The following AGAP1 variants were observed in gnomAD, a reference collection of about 807,000 sequenced individuals.
AGAP1 encodes the protein ArfGAP with GTPase domain, ankyrin repeat and PH domain 1.
AGAP1 carries 29 observed loss-of-function variants against 105.3 expected under a neutral mutation model. That is an observed-to-expected ratio of 0.28 (90% confidence interval 0.21 to 0.38). The LOEUF (loss-of-function observed/expected upper bound fraction) is 0.38, where lower values mean the gene tolerates loss of function less well. AGAP1 is among the 10% of genes least tolerant of loss of function. AGAP1 has a pLI of 1.00. For synonymous variants in AGAP1, 509 were observed against 485.9 expected (o/e 1.05, Z -0.63); for missense variants, 998 against 1,165.1 (o/e 0.86, Z 2.09).
intron 1 of AGAP1, among the ~76,000 whole-genome samples, chr2:235,632,277 C>T (rs150687334): frequency 6.6e-6 from 1 of 152,312 alleles, no homozygotes; most frequent in Non-Finnish European, 1.5e-5. Flanking sequence ...ATGAACTGCC[C>T]AGCCAGCTGT....
At chr2:235,628,497 G>A (rs1490807217) in intron 1 of AGAP1, among the ~76,000 whole-genome samples, 1 of 152,160 alleles carries the variant, frequency 6.6e-6, no homozygotes, top group Non-Finnish European at 1.5e-5. Flanking sequence ...GTGAGCTCCA[G>A]GCAGAAGAAC....
rs1027420175 is a variant in AGAP1 at position 235,799,112 on chromosome 2, A to G, written c.802-255A>G. Among the ~76,000 whole-genome samples, 3 of 152,186 alleles carry G rather than the reference A, an allele frequency of 2.0e-5. No homozygotes were observed. Among genetic ancestry groups the G allele is most frequent in the African/African-American group, 7.2e-5 (3 of 41,448 alleles). Reference sequence around the variant, plus strand: ...TGAACTCTCAGAAATCTTTTAAGTTAAATGAAAGAGACTTCTTTGTCTTCA... The same window carrying G: ...TGAACTCTCAGAAATCTTTTAAGTTGAATGAAAGAGACTTCTTTGTCTTCA... On this transcript the variant is annotated intron_variant, in intron 7 of 17. Coordinates refer to ENST00000304032, the MANE Select transcript of AGAP1 (RefSeq NM_001037131.3). This position sits in a 1 kb window ranked among gnomAD's most constrained non-coding sequence, Gnocchi z 5.0.
rs541611217 is a variant in AGAP1 at position 236,012,662 on chromosome 2, A to G, written c.1646-23899A>G. Among the ~76,000 whole-genome samples, 1 of 152,322 alleles carries G rather than the reference A, an allele frequency of 6.6e-6. No homozygotes were observed. Among genetic ancestry groups the G allele is most frequent in the Non-Finnish European group, 1.5e-5 (1 of 68,030 alleles). On this transcript the variant is annotated intron_variant, in intron 13 of 17. Coordinates refer to ENST00000304032, the MANE Select transcript of AGAP1 (RefSeq NM_001037131.3). The surrounding 1 kb of genome is among the most constrained non-coding windows in gnomAD (Gnocchi z 4.9). ...ACCTTATAGATAGTGAAGAAACCTGAAGGTATAGACATAAAGAAGTCTTCA... is the reference window on the plus strand; with the variant it reads ...ACCTTATAGATAGTGAAGAAACCTGGAGGTATAGACATAAAGAAGTCTTCA...
At chr2:235,576,231 G>A (rs761736744) in intron 1 of AGAP1, among the ~76,000 whole-genome samples, 8 of 152,174 alleles carry the variant, frequency 5.3e-5, no homozygotes, top group East Asian at 3.9e-4. Context: ...GGCTTTGGTC[G>A]CCTCTGTGCT....
chr2:236,072,132 T>G (rs2058514039), intron 16 of AGAP1, among the ~76,000 whole-genome samples: 1 of 148,934 alleles, frequency 6.7e-6, no homozygotes, highest in Non-Finnish European at 1.5e-5. Flanking sequence ...TGGGTTTTTT[T>G]TTTTTTTTTT....
At chr2:236,084,082 G>C (rs1007987504) in intron 16 of AGAP1, among the ~76,000 whole-genome samples, 1 of 152,186 alleles carries the variant, frequency 6.6e-6, no homozygotes, top group Non-Finnish European at 1.5e-5. Context: ...CAGCCGGGCA[G>C]GAAGGCAGGA....
At chr2:235,530,087 A>C (rs1159868354) in intron 1 of AGAP1, among the ~76,000 whole-genome samples, 2 of 152,150 alleles carry the variant, frequency 1.3e-5, no homozygotes, top group African/African-American at 4.8e-5. Context: ...CTGCTGTCCC[A>C]AAACTGACAA....
In AGAP1 at chr2:236,104,038, A is replaced by G. The variant is rs2059424860; in HGVS notation, c.2115-16154A>G. The stretch of plus-strand genomic sequence containing the variant: ...TTATCCCCTTTTTGCGGGTAGGGAA[A>G]TTGAATATTCAAACCCAGGCCTGCA... On this transcript the variant is annotated intron_variant, in intron 16 of 17. Transcript: ENST00000304032. This position sits in a 1 kb window ranked among gnomAD's most constrained non-coding sequence, Gnocchi z 4.7. Among the ~76,000 whole-genome samples, 1 of 152,218 alleles carries G rather than the reference A, an allele frequency of 6.6e-6. No individual in the cohort carries two copies. Among genetic ancestry groups the G allele is most frequent in the Non-Finnish European group, 1.5e-5 (1 of 68,036 alleles).
Position 235,750,377 on chromosome 2 carries a change from A to AG in AGAP1, c.565dup (p.Val189GlyfsTer4). On this transcript the variant is annotated frameshift_variant, in exon 6 of 18. Transcript: ENST00000304032. LOFTEE classifies it high-confidence loss of function. The surrounding 1 kb of genome is among the most constrained non-coding windows in gnomAD (Gnocchi z 5.3). The stretch of plus-strand genomic sequence containing the variant: ...AGATGCCATAAGTTCTGCTAACCCG[A>AG]GGGTCATCGATGACGCCAGGGCGAG... The AG allele has an allele frequency of 6.2e-7, 1 of 1,614,152 alleles. No individual in the cohort carries two copies. The highest frequency in any genetic ancestry group is 8.5e-7 in the Non-Finnish European group (1 of 1,180,030).
At position 236,061,440 on chromosome 2, in the gene AGAP1, A is replaced by G. The variant is rs75946329; in HGVS notation, c.2114+12159A>G. 0.014 allele frequency among the ~76,000 whole-genome samples: 2,142 copies of G among 152,334 alleles called. 49 individuals are homozygous for G. Among genetic ancestry groups the G allele is most frequent in the African/African-American group, 0.048 (1,999 of 41,570 alleles). On this transcript the variant is annotated intron_variant, in intron 16 of 17. Coordinates refer to ENST00000304032, the MANE Select transcript of AGAP1 (RefSeq NM_001037131.3). The surrounding 1 kb of genome is among the most constrained non-coding windows in gnomAD (Gnocchi z 4.1). ...CATCATTCATAATAGCCAAAAAGTG[A>G]AAGTAACCCAGGTGTCCCTCTGTGG...
In AGAP1 at chr2:235,737,276, C is replaced by T. The variant is rs185818815; in HGVS notation, c.311-3687C>T. 2.6e-5 allele frequency among the ~76,000 whole-genome samples: 4 copies of T among 151,824 alleles called. No individual in the cohort carries two copies. The highest frequency in any genetic ancestry group is 4.4e-5 in the Non-Finnish European group (3 of 67,926). ...TTTGCTTTCTGATTTAAGTGTAATA[C>T]GAAAAAAAATCATGCAAATCAATTA... On this transcript the variant is annotated intron_variant, in intron 3 of 17. Transcript: ENST00000304032. The surrounding 1 kb of genome is among the most constrained non-coding windows in gnomAD (Gnocchi z 4.5).
At chr2:235,928,726 C>G (rs1427783316) in intron 11 of AGAP1, among the ~76,000 whole-genome samples, 1 of 152,126 alleles carries the variant, frequency 6.6e-6, no homozygotes, top group African/African-American at 2.4e-5. Context: ...TCTGAATGCC[C>G]TATTGTAATA....
In AGAP1 at chr2:235,744,065, AGAGT is replaced by A. The variant is rs1559424090; in HGVS notation, c.397-629_397-626del. On this transcript the variant is annotated intron_variant, in intron 4 of 17. Transcript: ENST00000304032. This position sits in a 1 kb window ranked among gnomAD's most constrained non-coding sequence, Gnocchi z 5.2. The stretch of plus-strand genomic sequence containing the variant: ...ACGGCAAAGCAAGAACAAAATGGCG[AGAGT>A]GAGGCTATTGTGAAGTTTTCTTCCC... Among the ~76,000 whole-genome samples, 1 of 152,242 alleles carries A rather than the reference AGAGT, an allele frequency of 6.6e-6. No homozygotes were observed. The highest frequency in any genetic ancestry group is 2.4e-5 in the African/African-American group (1 of 41,474).
At chr2:235,546,863 G>C (rs997581132) in intron 1 of AGAP1, among the ~76,000 whole-genome samples, 1 of 152,182 alleles carries the variant, frequency 6.6e-6, no homozygotes, top group Non-Finnish European at 1.5e-5. Context: ...TCTAGATGCT[G>C]CTGTGCATCT....
chr2:235,881,687 G>A (rs373551249), intron 9 of AGAP1, among the ~76,000 whole-genome samples: 2 of 152,300 alleles, frequency 1.3e-5, no homozygotes, highest in East Asian at 3.9e-4. Flanking sequence ...CTCAGTGTTG[G>A]CCGTCAGCTT....
intron 13 of AGAP1, among the ~76,000 whole-genome samples, chr2:236,032,332 T>G (rs115860260): frequency 0.011 from 1,693 of 152,324 alleles, 28 homozygotes; most frequent in African/African-American, 0.038. Flanking sequence ...TCCATATAAC[T>G]CTATTCACAT....
chr2:235,604,374 C>T (rs562481646), intron 1 of AGAP1, among the ~76,000 whole-genome samples: 17 of 151,100 alleles, frequency 1.1e-4, no homozygotes, highest in Non-Finnish European at 2.1e-4. Flanking sequence ...GCCAGCTACT[C>T]GGGAAGCTGA....
rs1360285267 is a variant in AGAP1 at position 235,887,524 on chromosome 2, G to A, written c.1155+4075G>A. Among the ~76,000 whole-genome samples the A allele has an allele frequency of 6.6e-6, 1 of 152,202 alleles. No homozygotes were observed. The highest frequency in any genetic ancestry group is 1.5e-5 in the Non-Finnish European group (1 of 68,026). ...TTTACACTAGAGGAAAATGTTATCT[G>A]GTTTCTGAGAACACTATTCTCATCC... is the stretch of plus-strand genomic sequence containing the variant. On this transcript the variant is annotated intron_variant, in intron 10 of 17. Coordinates refer to ENST00000304032, the MANE Select transcript of AGAP1 (RefSeq NM_001037131.3). The surrounding 1 kb of genome is among the most constrained non-coding windows in gnomAD (Gnocchi z 4.1).
chr2:235,819,175 G>T (rs183609701), intron 9 of AGAP1, among the ~76,000 whole-genome samples: 8 of 149,934 alleles, frequency 5.3e-5, no homozygotes, highest in African/African-American at 2.0e-4. Flanking sequence ...ATAAAATGGT[G>T]CAATATCTTG....
Sources: allele counts gnomAD v4.1 joint callset (sites outside exome capture counted in the v4.1 genomes callset), GRCh38; gene constraint gnomAD v4.1.1; non-coding constraint Gnocchi (gnomAD v3.1); transcripts MANE v1.5; gene names NCBI Gene and HGNC (gene_info 2026-07-23, HGNC 2026-07-21).